COL4A1: variants seen among roughly 807,000 people sequenced by gnomAD.
COL4A1 encodes the protein collagen alpha-1(IV) chain.
Under a neutral mutation model 216.6 loss-of-function variants are expected in COL4A1, and 40 were observed. The ratio of observed to expected loss-of-function variants is 0.18; its 90% CI spans 0.14 to 0.24. COL4A1 has a LOEUF of 0.24. Ranked by LOEUF, COL4A1 falls within the 10% of genes least tolerant of loss-of-function variation. COL4A1 has a pLI of 1.00. For missense variants in COL4A1, 1,628 were observed against 2,196.8 expected (o/e 0.74, Z 5.18); for synonymous variants, 839 against 810.7 (o/e 1.03, Z -0.59).
At chr13:110,164,840 T>C in intron 46 of COL4A1, 22 bp downstream of exon 46, 1 of 1,612,988 alleles carries the variant, frequency 6.2e-7, no homozygotes, top group Non-Finnish European at 8.5e-7. Flanking sequence ...CATACCGCCC[T>C]GCACAGGCCA....
intron 8 of COL4A1, among the ~76,000 whole-genome samples, chr13:110,210,931 C>T (rs912264556): frequency 6.6e-6 from 1 of 152,158 alleles, no homozygotes; most frequent in African/African-American, 2.4e-5. Context: ...TTGAGTTTGC[C>T]GGCCCCCACA....
intron 2 of COL4A1, among the ~76,000 whole-genome samples, chr13:110,221,775 T>C (rs1247115606): frequency 6.6e-6 from 1 of 152,182 alleles, no homozygotes; most frequent in Admixed American, 6.5e-5. Context: ...CCGTTTCAAA[T>C]ATTGTTAAAC....
intron 1 of COL4A1, among the ~76,000 whole-genome samples, chr13:110,295,754 C>T (rs35402290): frequency 0.13 from 20,084 of 152,240 alleles, 1,379 homozygotes; most frequent in South Asian, 0.19. Context: ...TGACCTCAAC[C>T]TATGCTGAAT....
chr13:110,174,779 T>C (rs765534621), intron 37 of COL4A1, 30 bp from the exon 38 acceptor site: 2 of 1,608,326 alleles, frequency 1.2e-6, no homozygotes, highest in African/African-American at 1.3e-5. Context: ...ATATTAACTT[T>C]ACATTTGTCC....
At chr13:110,172,667 A>G in intron 41 of COL4A1, 53 bp downstream of exon 41, 1 of 1,543,992 alleles carries the variant, frequency 6.5e-7, no homozygotes, top group South Asian at 1.1e-5. Context: ...TTGTTCTGCT[A>G]ATCAGGCAGC....
rs1246943213 is a variant in COL4A1, at chr13:110,176,550, T to C, written c.2969-37A>G. 3.8e-6 allele frequency: 6 copies of C among 1,595,744 alleles called. No individual in the cohort carries two copies. The Admixed American group carries it at 1.0e-4, about 27-fold the overall frequency. ...AAGAAAGCAGTCTGACAGGTTGACA[T>C]CTACAGAAAGAGCTGGGGAACACAG... On this transcript the variant is annotated intron_variant, in intron 35 of 51. Coordinates refer to ENST00000375820, the MANE Select transcript of COL4A1 (RefSeq NM_001845.6).
rs372671572 is a variant in COL4A1, at chr13:110,195,096, G to C, written c.1308C>G (p.Pro436=). ...GAGGACCCTGGTCACCTGGAGGTCCGGGCTGACATTCCACAATTCCATCTG... is the reference window on the plus strand; with the variant it reads ...GAGGACCCTGGTCACCTGGAGGTCCCGGCTGACATTCCACAATTCCATCTG... The part of the protein sequence containing the change: ...GYTNGIVECQ[P]GPPGDQGPPG... The change falls in exon 22 of 52, where the codon CCC becomes CCG. Residue 436 remains proline, a synonymous_variant. Transcript: ENST00000375820. The C allele has an allele frequency of 1.2e-5, 19 of 1,613,994 alleles. No homozygotes were observed. Among genetic ancestry groups the C allele is most frequent in the Non-Finnish European group, 1.6e-5 (19 of 1,180,012 alleles).
intron 21 of COL4A1, among the ~76,000 whole-genome samples, chr13:110,195,616 G>A (rs537948626): frequency 3.9e-5 from 6 of 152,116 alleles, no homozygotes; most frequent in Non-Finnish European, 7.3e-5. Context: ...GCCTCAAATT[G>A]TTCACATTCA....
intron 47 of COL4A1, among the ~76,000 whole-genome samples, 191 bp from the exon 48 acceptor site, chr13:110,162,633 T>A (rs1327683661): frequency 1.3e-5 from 2 of 152,090 alleles, no homozygotes; most frequent in South Asian, 4.1e-4. Flanking sequence ...CTTCATGGTG[T>A]CTTAACTTTT....
intron 1 of COL4A1, among the ~76,000 whole-genome samples, chr13:110,282,247 C>T (rs938527406): frequency 6.6e-6 from 1 of 152,174 alleles, no homozygotes; most frequent in African/African-American, 2.4e-5. Context: ...AGTCCTTGAC[C>T]TTTTGTTTTC....
At chr13:110,228,237 CG>C (rs59600040) in intron 2 of COL4A1, among the ~76,000 whole-genome samples, 56,609 of 118,972 alleles carry the variant, frequency 0.48, 12,427 homozygotes, top group Non-Finnish European at 0.54. Flanking sequence ...GGTGCGGGGG[CG>C]GGGGGGGGGT....
intron 1 of COL4A1, among the ~76,000 whole-genome samples, chr13:110,248,038 A>G (rs1340855439): frequency 2.6e-5 from 4 of 152,040 alleles, no homozygotes; most frequent in Non-Finnish European, 5.9e-5. Flanking sequence ...TTCACATCCC[A>G]CCAAATAGGG....
intron 1 of COL4A1, among the ~76,000 whole-genome samples, chr13:110,304,838 A>T (rs1159206290): frequency 6.6e-6 from 1 of 152,264 alleles, no homozygotes; most frequent in African/African-American, 2.4e-5. Context: ...TGTGATTCAG[A>T]CAGTGCAAAG....
chr13:110,290,607 C>G (rs780778877), intron 1 of COL4A1, among the ~76,000 whole-genome samples: 1 of 152,178 alleles, frequency 6.6e-6, no homozygotes, highest in Non-Finnish European at 1.5e-5. Context: ...GGCACTCACC[C>G]TGGAGTCACC....
Position 110,306,986 on chromosome 13 carries a change from G to A in COL4A1, c.42C>T (p.Ala14=), listed in dbSNP as rs1353397317. ...TGTGCTCCTCGTGGAGCAGAAGGGC[G>A]GCGGGCAGCAGCAGCAGCCAGACGC... ...RLSVWLLLLP[A]ALLLHEEHSR... The change falls in exon 1 of 52, where the codon GCC becomes GCT. Residue 14 remains alanine (A), a synonymous_variant. Coordinates refer to ENST00000375820, the MANE Select transcript of COL4A1 (RefSeq NM_001845.6). The A allele has an allele frequency of 6.8e-7, 1 of 1,477,566 alleles. No homozygotes were observed. Among genetic ancestry groups the A allele is most frequent in the South Asian group, 1.3e-5 (1 of 77,976 alleles). The allele number at this position is 1,477,566 out of a possible 1,614,324, so 91.5% of individuals were successfully genotyped here.
At chr13:110,160,939 G>A in intron 49 of COL4A1, 1 of 498,942 alleles carries the variant, frequency 2.0e-6, no homozygotes, top group Non-Finnish European at 3.6e-6. Flanking sequence ...GAACTCCTGA[G>A]CTCAAGCAAC....
chr13:110,289,856 A>G (rs899647149), intron 1 of COL4A1, among the ~76,000 whole-genome samples: 1 of 152,180 alleles, frequency 6.6e-6, no homozygotes, highest in Non-Finnish European at 1.5e-5. Flanking sequence ...CTGTCTTCCA[A>G]CAGAAACATG....
intron 13 of COL4A1, 89 bp from the exon 14 acceptor site, chr13:110,206,980 A>C (rs1035238877): frequency 5.7e-6 from 8 of 1,396,376 alleles, no homozygotes; most frequent in South Asian, 1.2e-5. Context: ...AAAAAAAAAA[A>C]ACCTTTTTCT....
intron 20 of COL4A1, among the ~76,000 whole-genome samples, chr13:110,200,345 T>C (rs1425474076): frequency 6.6e-6 from 1 of 152,178 alleles, no homozygotes; most frequent in African/African-American, 2.4e-5. Context: ...GGAGAATGAC[T>C]TCACCCTGAG....
Sources: allele counts gnomAD v4.1 joint callset (sites outside exome capture counted in the v4.1 genomes callset), GRCh38; gene constraint gnomAD v4.1.1; transcripts MANE v1.5; gene names NCBI Gene and HGNC (gene_info 2026-07-23, HGNC 2026-07-21).